The following DTNBP1 variants were observed in gnomAD, a reference collection of about 807,000 sequenced individuals.
The protein encoded by DTNBP1 is dysbindin.
DTNBP1 carries 35 observed loss-of-function variants against 42.8 expected under a neutral mutation model. That is an observed-to-expected ratio of 0.82 (90% CI 0.63 to 1.09). DTNBP1 has a LOEUF of 1.09. DTNBP1 is among the 50% of genes least tolerant of loss of function. The pLI is 0.00. For missense variants in DTNBP1, 457 were observed against 424.2 expected, an observed-to-expected ratio of 1.08 and a Z score of -0.68; for synonymous variants, 171 against 162.2, an observed-to-expected ratio of 1.05 and a Z score of -0.41.
intron 3 of DTNBP1, among the ~76,000 whole-genome samples, chr6:15,650,620 A>G (rs1045744968): frequency 6.6e-6 from 1 of 152,052 alleles, no homozygotes; most frequent in Non-Finnish European, 1.5e-5. Flanking sequence ...GAAGACTGAC[A>G]ACGTTGAGCA....
At chr6:15,578,032 C>T (rs949644801) in intron 7 of DTNBP1, among the ~76,000 whole-genome samples, 2 of 152,162 alleles carry the variant, frequency 1.3e-5, no homozygotes, top group Non-Finnish European at 2.9e-5. Flanking sequence ...AACTGCCAGA[C>T]GATTCTGCAG....
intron 1 of DTNBP1, among the ~76,000 whole-genome samples, chr6:15,656,418 C>T (rs1282966631): frequency 2.0e-5 from 3 of 152,168 alleles, no homozygotes; most frequent in African/African-American, 4.8e-5. Context: ...ATAGCTCCAA[C>T]GACTTCACCT....
intron 5 of DTNBP1, among the ~76,000 whole-genome samples, chr6:15,619,769 T>C (rs1758933605): frequency 6.6e-6 from 1 of 152,210 alleles, no homozygotes; most frequent in Admixed American, 6.5e-5. Context: ...ACATTTTCTC[T>C]TTTTATCCTC....
rs1397249936 is a variant in DTNBP1, at chr6:15,602,849, C to A, written c.489-9768G>T. 2.6e-5 allele frequency among the ~76,000 whole-genome samples: 4 copies of A among 152,156 alleles called. No individual in the cohort carries two copies. In the East Asian group the frequency reaches 7.7e-4, roughly 29 times the overall value. On this transcript the variant is annotated intron_variant, in intron 6 of 9. Coordinates refer to ENST00000344537, the MANE Select transcript of DTNBP1 (RefSeq NM_032122.5). ...CCTCTTAAAAACAAAAAGCTTGAAC[C>A]CCAGCGTGTCATTTGCATAACTGGA...
At chr6:15,555,385 G>A (rs960854276) in intron 7 of DTNBP1, among the ~76,000 whole-genome samples, 1 of 151,968 alleles carries the variant, frequency 6.6e-6, no homozygotes, top group African/African-American at 2.4e-5. Context: ...TGCATTCCAA[G>A]GATGGTTAGG....
intron 6 of DTNBP1, among the ~76,000 whole-genome samples, chr6:15,613,967 G>A (rs1295382248): frequency 6.6e-6 from 1 of 152,020 alleles, no homozygotes; most frequent in African/African-American, 2.4e-5. Context: ...GTGGAATAAG[G>A]AGTCATTTCA....
At chr6:15,578,018 G>A (rs757274112) in intron 7 of DTNBP1, among the ~76,000 whole-genome samples, 1 of 152,204 alleles carries the variant, frequency 6.6e-6, no homozygotes, top group Non-Finnish European at 1.5e-5. Context: ...TGGACAGTAC[G>A]AACAACTGCC....
intron 4 of DTNBP1, among the ~76,000 whole-genome samples, chr6:15,630,343 A>G (rs947673730): frequency 3.3e-5 from 5 of 152,228 alleles, no homozygotes; most frequent in Non-Finnish European, 7.3e-5. Flanking sequence ...TTGTGCAGCA[A>G]GGAGCAGAAA....
intron 7 of DTNBP1, among the ~76,000 whole-genome samples, chr6:15,557,390 G>A (rs1181932445): frequency 1.3e-5 from 2 of 152,066 alleles, no homozygotes; most frequent in East Asian, 3.8e-4. Context: ...AAACACATTG[G>A]CTAAAGTTAA....
intron 5 of DTNBP1, among the ~76,000 whole-genome samples, chr6:15,620,785 T>C (rs186408995): frequency 1.7e-4 from 26 of 152,312 alleles, no homozygotes; most frequent in Admixed American, 9.8e-4. Context: ...GGTTAAGAGC[T>C]AGGCTTTGAA....
intron 8 of DTNBP1, among the ~76,000 whole-genome samples, chr6:15,528,218 G>A (rs1336838841): frequency 6.6e-6 from 1 of 152,204 alleles, no homozygotes; most frequent in Admixed American, 6.5e-5. Context: ...GAGCAGGTCA[G>A]GAATGGCTCC....
intron 6 of DTNBP1, among the ~76,000 whole-genome samples, chr6:15,605,176 A>G (rs1757971655): frequency 6.6e-6 from 1 of 152,348 alleles, no homozygotes; most frequent in African/African-American, 2.4e-5. Context: ...AATAAGAAAT[A>G]TTTTAATCAA....
chr6:15,589,464 T>C (rs1235075172), intron 7 of DTNBP1, among the ~76,000 whole-genome samples: 3 of 152,182 alleles, frequency 2.0e-5, no homozygotes, highest in Non-Finnish European at 4.4e-5. Flanking sequence ...TAGTCAGAAC[T>C]CCACAGCCAA....
chr6:15,641,867 G>C (rs1445067517), intron 3 of DTNBP1, among the ~76,000 whole-genome samples: 1 of 152,130 alleles, frequency 6.6e-6, no homozygotes, highest in Admixed American at 6.5e-5. Flanking sequence ...CCCATCAAAA[G>C]CACACCTTGG....
chr6:15,609,336 T>C (rs1176360449), intron 6 of DTNBP1, among the ~76,000 whole-genome samples: 1 of 152,020 alleles, frequency 6.6e-6, no homozygotes, highest in Non-Finnish European at 1.5e-5. Context: ...TTTTTTTTTT[T>C]CCTGAGACAG....
chr6:15,623,575 CA>C (rs1759164468), intron 5 of DTNBP1, among the ~76,000 whole-genome samples: 1 of 151,972 alleles, frequency 6.6e-6, no homozygotes, highest in Admixed American at 6.6e-5. Context: ...AATTTTAAAA[CA>C]AAAACAAAAC....
chr6:15,533,752 C>A, intron 7 of DTNBP1: 1 of 468,704 alleles, frequency 2.1e-6, no homozygotes, highest in Non-Finnish European at 4.2e-6. Context: ...GAGTCTGCTG[C>A]TCCATCCAGA....
chr6:15,611,110 C>CAA (rs1161251612), intron 6 of DTNBP1, among the ~76,000 whole-genome samples: 2 of 152,192 alleles, frequency 1.3e-5, no homozygotes, highest in Non-Finnish European at 2.9e-5. Flanking sequence ...GTCTGATTCT[C>CAA]TTGTTAGGGA....
chr6:15,533,564 G>T, intron 7 of DTNBP1, 169 bp from the exon 8 acceptor site: 1 of 1,109,762 alleles, frequency 9.0e-7, no homozygotes, highest in Non-Finnish European at 1.4e-6. Flanking sequence ...CCCCCAATCT[G>T]CTGCACTTCC....
Sources: gnomAD v4.1 joint callset for allele counts (sites outside exome capture counted in the v4.1 genomes callset) on GRCh38, gnomAD v4.1.1 for gene constraint, MANE v1.5 for transcripts, NCBI Gene and HGNC (gene_info 2026-07-23, HGNC 2026-07-21) for gene names.